LPO: variants seen among roughly 807,000 people sequenced by gnomAD.
The protein encoded by LPO is salivary peroxidase.
LPO carries 70 observed loss-of-function variants against 68.4 expected under a neutral mutation model. The ratio of observed to expected loss-of-function variants is 1.02; its 90% CI spans 0.84 to 1.25. The LOEUF is 1.25. Ranked by LOEUF, LPO falls within the 50% of genes most tolerant of loss-of-function variation. The pLI is 0.00. For missense variants in LPO, 873 were observed against 908.4 expected (o/e 0.96, Z 0.50); for synonymous variants, 360 against 357.6 (o/e 1.01, Z -0.08).
chr17:58,252,557 G>A (rs752697632), intron 8 of LPO, 51 bp downstream of exon 8: 2 of 1,547,160 alleles, frequency 1.3e-6, no homozygotes, highest in Admixed American at 3.6e-5. Context: ...GATTATCCAG[G>A]GAAGCTTTAC....
intron 4 of LPO, 32 bp from the exon 5 acceptor site, chr17:58,249,028 A>C: frequency 1.3e-6 from 2 of 1,559,812 alleles, no homozygotes; most frequent in South Asian, 1.1e-5. Flanking sequence ...TGGAGAAAGA[A>C]CTCAGTCCCT....
In LPO at chr17:58,263,731, C is replaced by A. The variant is rs1020602594; in HGVS notation, c.1267-991C>A. ...TTCCAGCCTGGGTGACAAAGTGAGA[C>A]CCTGTCAAAAAAAAAAAGCACTTCA... On this transcript the variant is annotated intron_variant, in intron 9 of 12. Transcript: ENST00000262290. 8.6e-5 allele frequency among the ~76,000 whole-genome samples: 13 copies of A among 151,570 alleles called. 1 individual carries two copies. The highest frequency in any genetic ancestry group is 8.5e-4 in the Admixed American group (13 of 15,228).
At chr17:58,255,037 C>T in intron 9 of LPO, 66 bp downstream of exon 9, 2 of 1,554,904 alleles carry the variant, frequency 1.3e-6, no homozygotes, top group African/African-American at 2.7e-5. Flanking sequence ...CTGCCCTCTG[C>T]TGGCTGCTGT....
chr17:58,245,786 G>C (rs1208439040), intron 3 of LPO, among the ~76,000 whole-genome samples: 1 of 152,114 alleles, frequency 6.6e-6, no homozygotes, highest in Non-Finnish European at 1.5e-5. Flanking sequence ...GTCTCCAAAG[G>C]AAAATTCTCT....
intron 8 of LPO, 62 bp from the exon 9 acceptor site, chr17:58,254,749 G>A: frequency 6.4e-7 from 1 of 1,562,312 alleles, no homozygotes; most frequent in Non-Finnish European, 8.7e-7. Flanking sequence ...ATTTCTTTGT[G>A]CAGGTTACTG....
At chr17:58,241,125 C>CTTTTTTTTTTTTTTTTTTTT (rs1161572564) in intron 1 of LPO, among the ~76,000 whole-genome samples, 5 of 91,306 alleles carry the variant, frequency 5.5e-5, no homozygotes, top group Admixed American at 1.2e-4. Flanking sequence ...TTTCTTTTTT[C>CTTTTTTTTTTTTTTTTTTTT]TTTTTTTTTT....
At chr17:58,262,471 C>T (rs965852892) in intron 9 of LPO, among the ~76,000 whole-genome samples, 5 of 152,340 alleles carry the variant, frequency 3.3e-5, no homozygotes, top group African/African-American at 9.6e-5. Context: ...CTCACGGCAA[C>T]CTCCGCCTCC....
rs1357238421 is a variant in LPO at position 58,249,617 on chromosome 17, C to G, written c.495C>G (p.Pro165=). Residue 165 remains proline (P), a synonymous_variant, in exon 6 of 13, where the codon CCC becomes CCG. Transcript: ENST00000262290. ...ACAGGGCTCTGGCGCGCTGGCTGCC[C>G]GCGGAGTACGAGGACGGGCTCTCCC... ...AANRALARWL[P]AEYEDGLSLP... is the part of the protein sequence containing the mutation. 3 of 1,602,956 alleles carry G rather than the reference C, an allele frequency of 1.9e-6. No individual in the cohort carries two copies. The highest frequency in any genetic ancestry group is 2.2e-5 in the East Asian group (1 of 44,724).
intron 8 of LPO, among the ~76,000 whole-genome samples, chr17:58,253,022 C>CAAAAAAAAAAAAAAAAAAAAA (rs765890765): frequency 3.2e-5 from 1 of 31,094 alleles, no homozygotes; most frequent in Non-Finnish European, 5.7e-5. Context: ...GACTCCATCT[C>CAAAAAAAAAAAAAAAAAAAAA]AAAAAAAAAA....
intron 3 of LPO, among the ~76,000 whole-genome samples, chr17:58,244,748 A>AC (rs1196805384): frequency 2.0e-5 from 3 of 151,934 alleles, no homozygotes; most frequent in African/African-American, 7.3e-5. Flanking sequence ...ATTCCCGGGC[A>AC]CCCCCAGCCA....
In LPO at chr17:58,247,592, G is replaced by A; in HGVS notation, c.279G>A (p.Glu93=). The change falls in exon 4 of 13, where the codon GAG becomes GAA. Residue 93 remains glutamate, a synonymous_variant. Coordinates refer to ENST00000262290, the MANE Select transcript of LPO (RefSeq NM_006151.3). ...TCCGCAATGGACAGGTGTGGGAGGA[G>A]TCTTTAAAGAGACTGAGGCAGAAGG... ...TAIRNGQVWE[E]SLKRLRQKAS... is the part of the protein sequence containing the mutation. 3.1e-6 allele frequency: 5 copies of A among 1,614,196 alleles called. No individual in the cohort carries two copies. Among genetic ancestry groups the A allele is most frequent in the Non-Finnish European group, 4.2e-6 (5 of 1,180,024 alleles).
chr17:58,267,270 G>A (rs1970285291), intron 11 of LPO, 79 bp from the exon 12 acceptor site: 2 of 1,077,694 alleles, frequency 1.9e-6, no homozygotes, highest in African/African-American at 3.1e-5. Context: ...GGCTGATAGA[G>A]CTGGAGTGGA....
intron 6 of LPO, 37 bp downstream of exon 6, chr17:58,249,732 C>T: frequency 6.5e-7 from 1 of 1,533,102 alleles, no homozygotes; most frequent in Non-Finnish European, 8.7e-7. Flanking sequence ...GGATGGGAGC[C>T]AGAGGGGACG....
chr17:58,242,993 T>C lies in LPO; in HGVS notation c.14T>C (p.Leu5Pro). ...CTCGTTTCAGTGATGAGGGTCCTTCTCCATCTCCCAGCCCTCCTGGCTTCC... is the reference window on the plus strand; with the variant it reads ...CTCGTTTCAGTGATGAGGGTCCTTCCCCATCTCCCAGCCCTCCTGGCTTCC... MRVL[L>P]HLPALLASLI... The change falls in exon 2 of 13, where the codon CTC (leucine) becomes CCC (proline). Residue 5 changes from leucine to proline, a missense_variant. Physicochemically the swap from Leu to Pro is moderately conservative, Grantham distance 98. Transcript: ENST00000262290. The C allele has an allele frequency of 6.2e-7, 1 of 1,614,074 alleles. No individual in the cohort carries two copies.
chr17:58,249,240 C>G, intron 5 of LPO, 63 bp downstream of exon 5: 2 of 1,459,270 alleles, frequency 1.4e-6, no homozygotes, highest in Non-Finnish European at 1.9e-6. Context: ...CTGCCAAGGC[C>G]TTTGTCCCTT....
rs760157431 is a variant in LPO at position 58,249,118 on chromosome 17, C to T, written c.384C>T (p.Pro128=). Reference sequence around the variant, plus strand: ...AGGTGGGCTGTGGTGCTCCTGCTCCCGTGGTGAGATGCGACCCGTGCAGCC... The same window carrying T: ...AGGTGGGCTGTGGTGCTCCTGCTCCTGTGGTGAGATGCGACCCGTGCAGCC... The part of the protein sequence containing the change: ...SLEVGCGAPA[P]VVRCDPCSPY... The change falls in exon 5 of 13, where the codon CCC becomes CCT. Residue 128 remains proline, a synonymous_variant. Transcript: ENST00000262290. 1 of 1,614,162 alleles carries T rather than the reference C, an allele frequency of 6.2e-7. No homozygotes were observed. Among genetic ancestry groups the T allele is most frequent in the Non-Finnish European group, 8.5e-7 (1 of 1,180,032 alleles).
chr17:58,266,040 A>G, intron 10 of LPO, 113 bp from the exon 11 acceptor site: 8 of 1,001,650 alleles, frequency 8.0e-6, no homozygotes, highest in Non-Finnish European at 1.0e-5. Context: ...TGGGATGTCC[A>G]GGTGACCCAC....
At chr17:58,259,195 T>G (rs192037126) in intron 9 of LPO, among the ~76,000 whole-genome samples, 1 of 152,320 alleles carries the variant, frequency 6.6e-6, no homozygotes, top group East Asian at 1.9e-4. Context: ...GCTTTTTCCT[T>G]CTAGAAGTTT....
chr17:58,249,901 G>A (rs1969926507), intron 6 of LPO, among the ~76,000 whole-genome samples: 1 of 152,242 alleles, frequency 6.6e-6, no homozygotes, highest in African/African-American at 2.4e-5. Flanking sequence ...TCTGGCCGCC[G>A]CAGGCCAGAT....
Sources: allele counts gnomAD v4.1 joint callset (sites outside exome capture counted in the v4.1 genomes callset), GRCh38; gene constraint gnomAD v4.1.1; transcripts MANE v1.5; gene names NCBI Gene and HGNC (gene_info 2026-07-23, HGNC 2026-07-21).